Variants in ANO9 observed in about 807,000 individuals in gnomAD.
ANO9 encodes anoctamin-9.
In ANO9, 80 loss-of-function variants were observed where a neutral mutation model predicts 100.5. The ratio of observed to expected loss-of-function variants is 0.80; its 90% CI spans 0.66 to 0.96. The LOEUF (loss-of-function observed/expected upper bound fraction) is 0.96. ANO9 is among the 40% of genes least tolerant of loss of function. The probability of loss-of-function intolerance (pLI) is 0.00; values close to 1 mark genes in which losing one functional copy is unlikely to be tolerated. For synonymous variants in ANO9, 473 were observed against 435.6 expected (o/e 1.09, Z -1.07); for missense variants, 1,064 against 1,072.7 (o/e 0.99, Z 0.11).
Position 418,508 on chromosome 11 carries a change from C to A in ANO9, c.2212G>T (p.Val738Leu). 1 of 1,613,218 alleles carries A rather than the reference C, an allele frequency of 6.2e-7. No homozygotes were observed. Among genetic ancestry groups the A allele is most frequent in the Non-Finnish European group, 8.5e-7 (1 of 1,180,000 alleles). ...TTCTCACGCAGCCTCTGGTACTTCACCTCCAGAACCTTGTTCTTCACCGAC... is the reference window on the plus strand; with the variant it reads ...TTCTCACGCAGCCTCTGGTACTTCAACTCCAGAACCTTGTTCTTCACCGAC... ...PQSVKNKVLE[V>L]KYQRLREKMW... Residue 738 changes from valine (V) to leucine (L), a missense_variant, in exon 23 of 23, where the codon GTG (valine) becomes TTG (leucine). Coordinates refer to ENST00000332826, the MANE Select transcript of ANO9 (RefSeq NM_001012302.3).
In ANO9 at chr11:441,904, T is replaced by C. The variant is rs757931669; in HGVS notation, c.6+17A>G. On this transcript the variant is annotated intron_variant, in intron 1 of 22. Coordinates refer to ENST00000332826, the MANE Select transcript of ANO9 (RefSeq NM_001012302.3). ...GGGGGCCTTGAAGGTGTGGACCCTT[T>C]TGAGCGCAGGACTCACCTGCATGCT... is the stretch of plus-strand genomic sequence containing the variant. The C allele has an allele frequency of 4.4e-6, 7 of 1,606,922 alleles. No individual in the cohort carries two copies. The highest frequency in any genetic ancestry group is 1.1e-5 in the South Asian group (1 of 90,482).
At position 418,129 on chromosome 11, in the gene ANO9, G is replaced by T. The variant is rs1022847853; in HGVS notation, c.*242C>A. The T allele has an allele frequency of 2.1e-6, 1 of 487,358 alleles. No individual in the cohort carries two copies. Among genetic ancestry groups the T allele is most frequent in the Non-Finnish European group, 3.6e-6 (1 of 277,070 alleles). The allele number at this position is 487,358 out of a possible 1,614,324, so 30.2% of individuals were successfully genotyped here. ...CTGAGGAGCCCTCACTCCCAGTTCT[G>T]TGGGTGCCCAGGGTCACCCAGAGTT... On this transcript the variant is annotated 3_prime_UTR_variant, in exon 23 of 23. Coordinates refer to ENST00000332826, the MANE Select transcript of ANO9 (RefSeq NM_001012302.3).
At chr11:435,689 GTCTA>G (rs1849458911) in intron 1 of ANO9, among the ~76,000 whole-genome samples, 1 of 26,240 alleles carries the variant, frequency 3.8e-5, no homozygotes, top group African/African-American at 1.5e-4. Flanking sequence ...GTATGGTCTA[GTCTA>G]GTCTAGTCTA....
In ANO9 at chr11:422,872, C is replaced by T. The variant is rs1159603117; in HGVS notation, c.1335-1674G>A. On this transcript the variant is annotated intron_variant, in intron 15 of 22. Coordinates refer to ENST00000332826, the MANE Select transcript of ANO9 (RefSeq NM_001012302.3). The surrounding 1 kb of genome is among the most constrained non-coding windows in gnomAD (Gnocchi z 4.3). ...TCAGACAGAGTCTTGCTCTGTCACC[C>T]AGGCTGGAGTGCAATGGCATGATCT... Among the ~76,000 whole-genome samples, 1 of 151,570 alleles carries T rather than the reference C, an allele frequency of 6.6e-6. No homozygotes were observed. Among genetic ancestry groups the T allele is most frequent in the Non-Finnish European group, 1.5e-5 (1 of 67,970 alleles).
chr11:437,403 G>A lies in ANO9; in HGVS notation c.7-3305C>T, dbSNP rs191961408. On this transcript the variant is annotated intron_variant, in intron 1 of 22. Coordinates refer to ENST00000332826, the MANE Select transcript of ANO9 (RefSeq NM_001012302.3). The stretch of plus-strand genomic sequence containing the variant: ...AGTGCCACACTGCAGCCTCCCTGCG[G>A]GGGGAAGTTCTTGCCCTAGTTGGCC... Among the ~76,000 whole-genome samples the A allele has an allele frequency of 9.3e-4, 141 of 152,272 alleles. No individual in the cohort carries two copies. In the East Asian group the frequency reaches 0.025, roughly 28 times the overall value.
At chr11:433,514 G>GCCTCAGAACCCTCCCTCGTCTATTCCA in intron 3 of ANO9, 55 bp from the exon 4 acceptor site, 1 of 1,548,960 alleles carries the variant, frequency 6.5e-7, no homozygotes, top group South Asian at 1.1e-5. Flanking sequence ...GCTCTATCCC[G>GCCTCAGAACCCTCCCTCGTCTATTCCA]CCTCAGAACC....
At position 421,595 on chromosome 11, in the gene ANO9, A is replaced by C. The variant is rs140152622; in HGVS notation, c.1335-397T>G. On this transcript the variant is annotated intron_variant, in intron 15 of 22. Coordinates refer to ENST00000332826, the MANE Select transcript of ANO9 (RefSeq NM_001012302.3). The surrounding 1 kb of genome is among the most constrained non-coding windows in gnomAD (Gnocchi z 6.8). ...CGTGGGCGCGCGCACACACACACAC[A>C]CCCCCACACAGGGGAGGCCACAGGC... Among the ~76,000 whole-genome samples, 4,689 of 104,722 alleles carry C rather than the reference A, an allele frequency of 0.045. 136 individuals are homozygous for C. Among genetic ancestry groups the C allele is most frequent in the Middle Eastern group, 0.13 (24 of 178 alleles). The allele number at this position is 104,722 out of a possible 152,430, so 68.7% of individuals were successfully genotyped here.
chr11:421,207 G>A lies in ANO9; in HGVS notation c.1335-9C>T. On this transcript the variant is annotated splice_polypyrimidine_tract_variant and intron_variant, in intron 15 of 22. Coordinates refer to ENST00000332826, the MANE Select transcript of ANO9 (RefSeq NM_001012302.3). The surrounding 1 kb of genome is among the most constrained non-coding windows in gnomAD (Gnocchi z 6.8). Reference sequence around the variant, plus strand: ...CGGGGTGGCCGTTGATCCTGGGGAGGAAGGGGAAGTCTGGGGCACTGCGGG... The same window carrying A: ...CGGGGTGGCCGTTGATCCTGGGGAGAAAGGGGAAGTCTGGGGCACTGCGGG... 1 of 1,536,588 alleles carries A rather than the reference G, an allele frequency of 6.5e-7. No individual in the cohort carries two copies. The highest frequency in any genetic ancestry group is 2.0e-5 in the Admixed American group (1 of 50,968).
At chr11:419,083 C>A in intron 20 of ANO9, 94 bp from the exon 21 acceptor site, 1 of 1,581,278 alleles carries the variant, frequency 6.3e-7, no homozygotes, top group South Asian at 1.1e-5. Context: ...GTGGAGCAAA[C>A]AGTGAGGTGG....
chr11:438,221 C>T (rs1011673925), intron 1 of ANO9, among the ~76,000 whole-genome samples: 1 of 151,982 alleles, frequency 6.6e-6, no homozygotes, highest in South Asian at 2.1e-4. Flanking sequence ...AGCCCTCCCC[C>T]CAGGGCAGAG....
At chr11:426,621 C>A (rs887705114) in intron 15 of ANO9, among the ~76,000 whole-genome samples, 1 of 152,084 alleles carries the variant, frequency 6.6e-6, no homozygotes, top group African/African-American at 2.4e-5. Flanking sequence ...ACACCCACTA[C>A]CAGGCATCAC....
At chr11:425,900 T>TG (rs1848493798) in intron 15 of ANO9, among the ~76,000 whole-genome samples, 1 of 111,352 alleles carries the variant, frequency 9.0e-6, no homozygotes, top group African/African-American at 3.4e-5. Context: ...GGCTAATTTT[T>TG]TGTATTTTTT....
intron 1 of ANO9, among the ~76,000 whole-genome samples, chr11:435,246 ATAGTCTAGTATGGTATAGTC>A (rs1849366752): frequency 6.8e-6 from 1 of 147,646 alleles, no homozygotes. Flanking sequence ...ATAGTATGGT[ATAGTCTAGTATGGTATAGTC>A]TAGTCTAGTC....
In ANO9 at chr11:428,338, G is replaced by T. The variant is rs1848650110; in HGVS notation, c.1222+20C>A. The T allele has an allele frequency of 1.2e-6, 2 of 1,612,362 alleles. No individual in the cohort carries two copies. The highest frequency in any genetic ancestry group is 1.7e-6 in the Non-Finnish European group (2 of 1,179,904). On this transcript the variant is annotated intron_variant, in intron 14 of 22. Coordinates refer to ENST00000332826, the MANE Select transcript of ANO9 (RefSeq NM_001012302.3). ...TCCTCCCGCCGGGTCCCCCAAGAGGGTCTGGGGTAGTCCTCTCACCGAAGT... is the reference window on the plus strand; with the variant it reads ...TCCTCCCGCCGGGTCCCCCAAGAGGTTCTGGGGTAGTCCTCTCACCGAAGT...
chr11:419,719 C>T lies in ANO9; in HGVS notation c.1797G>A (p.Leu599=), dbSNP rs1848058770. 1 of 1,612,946 alleles carries T rather than the reference C, an allele frequency of 6.2e-7. No individual in the cohort carries two copies. Among genetic ancestry groups the T allele is most frequent in the Non-Finnish European group, 8.5e-7 (1 of 1,179,796 alleles). Reference sequence around the variant, plus strand: ...GCACACCGATGGTCTCCAGCACCTGCAGCCAGGTCCCTGCACCAGAGCAGT... The same window carrying T: ...GCACACCGATGGTCTCCAGCACCTGTAGCCAGGTCCCTGCACCAGAGCAGT... The part of the protein sequence containing the change: ...PRKAKDIGTW[L]QVLETIGVLA... Residue 599 remains leucine (L), a synonymous_variant, in exon 20 of 23, where the codon CTG becomes CTA. Transcript: ENST00000332826.
At position 434,111 on chromosome 11, in the gene ANO9, G is replaced by T. The variant is rs1332752892; in HGVS notation, c.7-13C>A. 6.5e-7 allele frequency: 1 copy of T among 1,549,822 alleles called. No homozygotes were observed. Among genetic ancestry groups the T allele is most frequent in the South Asian group, 1.2e-5 (1 of 84,054 alleles). Reference sequence around the variant, plus strand: ...GGCTCTCTTCGCCCTGGGGGTTTGGGGGCAGAGAAAGGGATAGGAGGATGT... The same window carrying T: ...GGCTCTCTTCGCCCTGGGGGTTTGGTGGCAGAGAAAGGGATAGGAGGATGT... On this transcript the variant is annotated splice_polypyrimidine_tract_variant and intron_variant, in intron 1 of 22. Coordinates refer to ENST00000332826, the MANE Select transcript of ANO9 (RefSeq NM_001012302.3).
chr11:420,219 T>A, intron 19 of ANO9: 2 of 1,412,102 alleles, frequency 1.4e-6, no homozygotes, highest in Non-Finnish European at 1.8e-6. Flanking sequence ...CTTGGGGGCG[T>A]CAAGCCCCTC....
intron 1 of ANO9, among the ~76,000 whole-genome samples, chr11:435,310 T>C (rs376203007): frequency 5.6e-5 from 8 of 143,724 alleles, no homozygotes; most frequent in Non-Finnish European, 9.2e-5. Flanking sequence ...CATAGCATAG[T>C]ATAGGGTAGT....
rs768188976 is a variant in ANO9 at position 433,826 on chromosome 11, A to C, written c.193T>G (p.Phe65Val). ...QFLEELRRKG[F>V]HIKVIRDQKQ... ...GGGCACCCGCCCACCTTAATGTGGA[A>C]GCCCTTTCTCCTGAGCTCCTCCAGG... The change falls in exon 3 of 23, where the codon TTC (phenylalanine) becomes GTC (valine). Residue 65 changes from phenylalanine (F) to valine (V), a missense_variant. Coordinates refer to ENST00000332826, the MANE Select transcript of ANO9 (RefSeq NM_001012302.3). The C allele has an allele frequency of 6.4e-7, 1 of 1,561,756 alleles. No individual in the cohort carries two copies. The highest frequency in any genetic ancestry group is 1.2e-5 in the South Asian group (1 of 84,868).
Sources: allele counts gnomAD v4.1 joint callset (sites outside exome capture counted in the v4.1 genomes callset), GRCh38; gene constraint gnomAD v4.1.1; non-coding constraint Gnocchi (gnomAD v3.1); transcripts MANE v1.5; gene names NCBI Gene and HGNC (gene_info 2026-07-23, HGNC 2026-07-21).